The following ZC4H2 variants were observed in gnomAD, a reference collection of about 807,000 sequenced individuals.
ZC4H2 encodes the protein zinc finger C4H2-type containing.
For synonymous variants in ZC4H2, 84 were observed against 66.3 expected (o/e 1.27, Z -1.30); for missense variants, 137 against 173.9 (o/e 0.79, Z 1.19).
At chrX:65,005,583 T>C (rs1162227557) in intron 1 of ZC4H2, among the ~76,000 whole-genome samples, 1 of 111,133 alleles carries the variant, frequency 9.0e-6, no homozygotes, top group Non-Finnish European at 1.9e-5. Flanking sequence ...GACTTAAGCA[T>C]TAGACCTAAA....
At chrX:64,974,933 T>C (rs1471847602) in intron 1 of ZC4H2, among the ~76,000 whole-genome samples, 3 of 88,044 alleles carry the variant, frequency 3.4e-5, no homozygotes, top group African/African-American at 1.4e-4. Flanking sequence ...TCTACTGTAC[T>C]AAGGTGTCTC....
At chrX:64,960,059 G>T (rs1353977218) in intron 1 of ZC4H2, among the ~76,000 whole-genome samples, 1 of 110,767 alleles carries the variant, frequency 9.0e-6, no homozygotes, top group East Asian at 2.9e-4. Context: ...CTGGACTTCA[G>T]GCAAGTAAGG....
chrX:64,920,016 G>A (rs751145545), intron 3 of ZC4H2, 65 bp downstream of exon 3: 1 of 1,103,349 alleles, frequency 9.1e-7, no homozygotes, highest in East Asian at 3.1e-5. Context: ...GTGTGTGTAG[G>A]TATGTAAGTA....
At chrX:64,976,223 C>G (rs1014234485) in intron 1 of ZC4H2, 102 bp downstream of exon 1, 10 of 993,687 alleles carry the variant, frequency 1.0e-5, no homozygotes, top group Non-Finnish European at 1.4e-5. Flanking sequence ...GAATGGGCCC[C>G]TTTCCAGCTC....
At chrX:64,928,676 T>TTCTTCTTCTTCTTCC (rs1491217610) in intron 1 of ZC4H2, among the ~76,000 whole-genome samples, 4 of 102,251 alleles carry the variant, frequency 3.9e-5, no homozygotes, top group African/African-American at 1.4e-4. Context: ...CTTCTTCTTC[T>TTCTTCTTCTTCTTCC]TCTTCTTCCT....
chrX:64,922,151 C>T, intron 1 of ZC4H2, 163 bp from the exon 2 acceptor site: 2 of 1,064,073 alleles, frequency 1.9e-6, no homozygotes, highest in Non-Finnish European at 2.4e-6. Flanking sequence ...TGGCTCATGC[C>T]AGTAATCTCA....
chrX:64,920,508 T>C, intron 2 of ZC4H2, among the ~76,000 whole-genome samples: 1 of 112,223 alleles, frequency 8.9e-6, no homozygotes, highest in East Asian at 2.8e-4. Flanking sequence ...ACTCAGTAAA[T>C]GGGCTAAATT....
At chrX:64,964,073 G>A (rs1360101986) in intron 1 of ZC4H2, among the ~76,000 whole-genome samples, 1 of 110,833 alleles carries the variant, frequency 9.0e-6, no homozygotes, top group African/African-American at 3.3e-5. Context: ...TATGTATAAA[G>A]TTTCAGTTGT....
intron 1 of ZC4H2, among the ~76,000 whole-genome samples, chrX:65,008,581 G>T (rs768683705): frequency 2.7e-5 from 3 of 112,388 alleles, no homozygotes; most frequent in Non-Finnish European, 3.8e-5. Flanking sequence ...ATCAACAGAT[G>T]AATGTATAAA....
upstream of ZC4H2, among the ~76,000 whole-genome samples, chrX:64,977,139 C>T (rs997022863): frequency 9.8e-5 from 11 of 111,762 alleles, no homozygotes; most frequent in African/African-American, 3.6e-4. Context: ...ACAGAAGAGG[C>T]TGAAAATTTA....
At chrX:64,975,939 C>T (rs941708751) in intron 1 of ZC4H2, among the ~76,000 whole-genome samples, 5 of 111,383 alleles carry the variant, frequency 4.5e-5, no homozygotes, top group African/African-American at 1.6e-4. Context: ...CTTTCCCGAA[C>T]TCCAGGTTCT....
chrX:64,986,550 G>A (rs1407952240), intron 1 of ZC4H2, among the ~76,000 whole-genome samples: 1 of 111,729 alleles, frequency 9.0e-6, no homozygotes, highest in Non-Finnish European at 1.9e-5. Context: ...AATTAGTAGG[G>A]GCATCCCAAG....
chrX:64,935,097 C>A (rs1282293467), intron 1 of ZC4H2, among the ~76,000 whole-genome samples: 1 of 111,992 alleles, frequency 8.9e-6, no homozygotes, highest in East Asian at 2.8e-4. Context: ...TCTCTGCCAG[C>A]ACAGCAGCAG....
intron 1 of ZC4H2, among the ~76,000 whole-genome samples, chrX:64,928,663 C>CTTCTTCTTT (rs1929557638): frequency 9.7e-6 from 1 of 102,674 alleles, no homozygotes; most frequent in African/African-American, 3.6e-5. Flanking sequence ...TCTTCTTCTT[C>CTTCTTCTTT]TTCTTCTTCT....
chrX:65,006,585 G>C (rs1053368737), intron 1 of ZC4H2, among the ~76,000 whole-genome samples: 4 of 108,985 alleles, frequency 3.7e-5, no homozygotes, highest in African/African-American at 1.3e-4. Context: ...GGGAGGGATA[G>C]CATTAGGAGA....
intron 1 of ZC4H2, among the ~76,000 whole-genome samples, chrX:65,018,193 A>G (rs772803937): frequency 3.9e-4 from 44 of 112,917 alleles, no homozygotes; most frequent in African/African-American, 1.3e-3. Flanking sequence ...AAAAGACGAC[A>G]TACAAGCTGC....
chrX:65,016,887 G>A (rs1236617317), intron 1 of ZC4H2, among the ~76,000 whole-genome samples: 1 of 111,810 alleles, frequency 8.9e-6, no homozygotes. Flanking sequence ...GATGATCCCA[G>A]CAAAATGGAA....
chrX:64,928,636 CTTCTT>C (rs1569204052), intron 1 of ZC4H2, among the ~76,000 whole-genome samples: 57 of 44,874 alleles, frequency 1.3e-3, no homozygotes, highest in African/African-American at 3.2e-3. Flanking sequence ...CTTTCTCCTT[CTTCTT>C]CTTCTTCTTC....
At position 64,919,972 on chromosome X, in the gene ZC4H2, T is replaced by C. The variant is rs564240370; in HGVS notation, c.398+109A>G. 2.8e-5 allele frequency: 24 copies of C among 871,381 alleles called. 1 individual carries two copies. The highest frequency in any genetic ancestry group is 1.7e-4 in the African/African-American group (8 of 48,474). The allele number at this position is 871,381 out of a possible 1,213,427, so 71.8% of individuals were successfully genotyped here. On this transcript the variant is annotated intron_variant, in intron 3 of 4. Transcript: ENST00000374839. Reference sequence around the variant, plus strand: ...GGACTAAAACTAGGCACTCTGACTTTCAGGCTAGGCTTTGTGTATGTATAC... The same window carrying C: ...GGACTAAAACTAGGCACTCTGACTTCCAGGCTAGGCTTTGTGTATGTATAC...
Sources: allele counts gnomAD v4.1 joint callset (sites outside exome capture counted in the v4.1 genomes callset), GRCh38; gene constraint gnomAD v4.1.1; transcripts MANE v1.5; gene names NCBI Gene and HGNC (gene_info 2026-07-23, HGNC 2026-07-21).